PHF20: variants seen among roughly 807,000 people sequenced by gnomAD.
PHF20 encodes the protein PHD finger protein 20.
A neutral mutation model predicts 113.5 loss-of-function variants in PHF20; 23 were observed. The ratio of observed to expected loss-of-function variants is 0.20; its 90% confidence interval spans 0.15 to 0.29. The LOEUF (loss-of-function observed/expected upper bound fraction) is 0.29, where lower values mean the gene tolerates loss of function less well. Ranked by LOEUF, PHF20 falls within the 10% of genes least tolerant of loss-of-function variation. The pLI is 1.00. For missense variants in PHF20, 943 were observed against 1,219.6 expected (o/e 0.77, Z 3.38); for synonymous variants, 434 against 457.3 (o/e 0.95, Z 0.65).
At chr20:35,900,369 T>C (rs1300381277) in intron 10 of PHF20, among the ~76,000 whole-genome samples, 1 of 152,158 alleles carries the variant, frequency 6.6e-6, no homozygotes, top group East Asian at 1.9e-4. Context: ...TGTGTAGGTC[T>C]TAAATGGTAT....
At chr20:35,829,328 C>T (rs772028049) in intron 2 of PHF20, among the ~76,000 whole-genome samples, 13 of 152,106 alleles carry the variant, frequency 8.5e-5, no homozygotes, top group Non-Finnish European at 1.9e-4. Context: ...TACCAGCCTA[C>T]TTCTCCAAAA....
intron 2 of PHF20, among the ~76,000 whole-genome samples, chr20:35,821,184 C>G (rs1321329962): frequency 6.6e-6 from 1 of 151,954 alleles, no homozygotes; most frequent in Non-Finnish European, 1.5e-5. Flanking sequence ...TGCAGTGGCT[C>G]GCACCTGTAA....
intron 9 of PHF20, among the ~76,000 whole-genome samples, chr20:35,877,903 C>T (rs910003793): frequency 1.4e-4 from 21 of 152,104 alleles, no homozygotes; most frequent in Non-Finnish European, 7.4e-5. Flanking sequence ...AGTTATAAAA[C>T]GAATGAATTG....
rs139006126 is a variant in PHF20 at position 35,774,607 on chromosome 20, G to C, written c.-33+2528G>C. The C allele has an allele frequency of 2.6e-5, 4 of 152,326 alleles. No individual in the cohort carries two copies. In the East Asian group the frequency reaches 7.7e-4, roughly 29 times the overall value. The allele number at this position is 152,326 out of a possible 1,614,324, so 9.4% of individuals were successfully genotyped here. On this transcript the variant is annotated intron_variant, in intron 1 of 17. Coordinates refer to ENST00000374012, the MANE Select transcript of PHF20 (RefSeq NM_016436.5). ...TTTCTTCCTTTTGGGAAGTACTTGA[G>C]TGTGCAGCTGCATGAGGCCTCAGCA...
At chr20:35,926,096 TG>T (rs2055625126) in intron 13 of PHF20, among the ~76,000 whole-genome samples, 1 of 122,950 alleles carries the variant, frequency 8.1e-6, no homozygotes, top group Non-Finnish European at 1.6e-5. Flanking sequence ...CACTCCAGCC[TG>T]GGTGACAGAG....
At chr20:35,832,806 T>C (rs2042377262) in intron 2 of PHF20, among the ~76,000 whole-genome samples, 1 of 152,114 alleles carries the variant, frequency 6.6e-6, no homozygotes, top group Non-Finnish European at 1.5e-5. Flanking sequence ...TCCCAGCACT[T>C]TGGGAGGCCA....
intron 1 of PHF20, among the ~76,000 whole-genome samples, chr20:35,772,839 A>G (rs572765197): frequency 2.9e-4 from 44 of 152,066 alleles, no homozygotes; most frequent in African/African-American, 1.0e-3. Flanking sequence ...TATCCCCTCT[A>G]CTCCAAGGAA....
intron 4 of PHF20, among the ~76,000 whole-genome samples, chr20:35,857,562 C>CTTTTTTTTTTTT (rs56655276): frequency 0.034 from 3,360 of 99,980 alleles, 14 homozygotes; most frequent in East Asian, 0.042. Flanking sequence ...AATGATGTTC[C>CTTTTTTTTTTTT]TTTTTTTTTT....
At chr20:35,915,357 A>G (rs560741300) in intron 12 of PHF20, among the ~76,000 whole-genome samples, 2 of 150,868 alleles carry the variant, frequency 1.3e-5, no homozygotes, top group African/African-American at 4.9e-5. Context: ...TAAAATATAT[A>G]TATATATTTT....
Position 35,801,497 on chromosome 20 carries a change from A to G in PHF20, c.-26A>G. On this transcript the variant is annotated 5_prime_UTR_variant, in exon 2 of 18. The change creates a new upstream start codon in the 5' untranslated region. Coordinates refer to ENST00000374012, the MANE Select transcript of PHF20 (RefSeq NM_016436.5). ...ATTTAATTGGCTTTTTCAGGAGAATAAAGGCAGCCCCGTTGATGACTGAAA... is the reference window on the plus strand; with the variant it reads ...ATTTAATTGGCTTTTTCAGGAGAATGAAGGCAGCCCCGTTGATGACTGAAA... The G allele has an allele frequency of 6.4e-7, 1 of 1,570,252 alleles. No individual in the cohort carries two copies. The highest frequency in any genetic ancestry group is 8.8e-7 in the Non-Finnish European group (1 of 1,142,406).
At chr20:35,849,500 A>G (rs763568709) in intron 4 of PHF20, 30 of 468,924 alleles carry the variant, frequency 6.4e-5, no homozygotes, top group South Asian at 4.5e-4. Flanking sequence ...ACCTGTCTCT[A>G]TAAGGTTTTG....
At chr20:35,804,673 GT>G (rs2041848545) in intron 2 of PHF20, among the ~76,000 whole-genome samples, 1 of 151,840 alleles carries the variant, frequency 6.6e-6, no homozygotes, top group South Asian at 2.1e-4. Flanking sequence ...CTCCTGGCCC[GT>G]TTATTTATTT....
At chr20:35,870,031 G>A (rs564207909) in intron 7 of PHF20, among the ~76,000 whole-genome samples, 7 of 152,044 alleles carry the variant, frequency 4.6e-5, no homozygotes, top group South Asian at 2.1e-4. Flanking sequence ...GTGGCCAGGC[G>A]CGGTAGCTCA....
chr20:35,911,448 A>T (rs2055302027), intron 10 of PHF20, among the ~76,000 whole-genome samples: 1 of 152,206 alleles, frequency 6.6e-6, no homozygotes, highest in Admixed American at 6.5e-5. Context: ...GTTTGGGGCG[A>T]TTACAACTAA....
chr20:35,947,440 A>G (rs1600985587), intron 17 of PHF20, 45 bp from the exon 18 acceptor site: 4 of 1,592,766 alleles, frequency 2.5e-6, no homozygotes, highest in South Asian at 1.1e-5. Context: ...TTGCAAATCA[A>G]GTGTTGGGAG....
At chr20:35,915,254 G>T (rs2055382273) in intron 12 of PHF20, among the ~76,000 whole-genome samples, 3 of 150,424 alleles carry the variant, frequency 2.0e-5, no homozygotes, top group Admixed American at 2.0e-4. Context: ...AAGTGGATGT[G>T]CAGGTGAATG....
chr20:35,823,371 T>C (rs903453133), intron 2 of PHF20, among the ~76,000 whole-genome samples: 6 of 144,326 alleles, frequency 4.2e-5, no homozygotes, highest in African/African-American at 1.6e-4. Context: ...GAGGACAACG[T>C]GGGAGGATTG....
chr20:35,777,233 T>C (rs2041193108), intron 1 of PHF20, among the ~76,000 whole-genome samples: 1 of 152,214 alleles, frequency 6.6e-6, no homozygotes, highest in African/African-American at 2.4e-5. Flanking sequence ...AGTTCTCTTA[T>C]CTAATGTATA....
At chr20:35,836,031 T>TG (rs79514856) in intron 2 of PHF20, among the ~76,000 whole-genome samples, 2 of 152,286 alleles carry the variant, frequency 1.3e-5, no homozygotes, top group East Asian at 3.9e-4. Flanking sequence ...GTTTTTTAGA[T>TG]GGGGGTCTCA....
Sources: gnomAD v4.1 joint callset for allele counts (sites outside exome capture counted in the v4.1 genomes callset) on GRCh38, gnomAD v4.1.1 for gene constraint, MANE v1.5 for transcripts, NCBI Gene and HGNC (gene_info 2026-07-23, HGNC 2026-07-21) for gene names.